Variants in SYN3 observed in about 807,000 individuals in gnomAD.
SYN3 encodes synapsin III, also known as synapsin-3.
A neutral mutation model predicts 65.8 loss-of-function variants in SYN3; 35 were observed. That is an observed-to-expected ratio of 0.53 (90% CI 0.41 to 0.70). The LOEUF (loss-of-function observed/expected upper bound fraction) is 0.70, where lower values mean the gene tolerates loss of function less well. Ranked by LOEUF, SYN3 falls within the 30% of genes least tolerant of loss-of-function variation. The pLI is 0.00. For synonymous variants in SYN3, 270 were observed against 292.9 expected (o/e 0.92, Z 0.80); for missense variants, 680 against 749.0 (o/e 0.91, Z 1.08).
intron 1 of SYN3, chr22:33,015,368 C>A: frequency 4.0e-6 from 2 of 503,836 alleles, no homozygotes; most frequent in Non-Finnish European, 7.0e-6. Context: ...CTGTACAGGG[C>A]GAATTTGTAA....
At chr22:32,576,503 G>A (rs1330188822) in intron 7 of SYN3, among the ~76,000 whole-genome samples, 4 of 152,072 alleles carry the variant, frequency 2.6e-5, no homozygotes, top group Non-Finnish European at 5.9e-5. Flanking sequence ...GGTTTATGAT[G>A]GTGACTATTT....
At chr22:32,751,914 TA>T (rs1204515138) in intron 6 of SYN3, among the ~76,000 whole-genome samples, 13 of 152,194 alleles carry the variant, frequency 8.5e-5, no homozygotes, top group South Asian at 2.1e-4. Context: ...CTAAGTGCTT[TA>T]TGCATGTTCT....
At chr22:32,829,195 G>GGCCA (rs1323884751) in intron 6 of SYN3, among the ~76,000 whole-genome samples, 8 of 152,164 alleles carry the variant, frequency 5.3e-5, no homozygotes, top group Admixed American at 3.9e-4. Context: ...TTTAGTCCCA[G>GGCCA]GCCAGAGACC....
chr22:32,923,788 C>T (rs1186906467), intron 4 of SYN3, among the ~76,000 whole-genome samples: 1 of 152,168 alleles, frequency 6.6e-6, no homozygotes, highest in Non-Finnish European at 1.5e-5. Flanking sequence ...TATTTTGTCA[C>T]CCAGATACAA....
intron 6 of SYN3, among the ~76,000 whole-genome samples, chr22:32,711,901 C>T (rs1323557748): frequency 1.3e-5 from 2 of 152,168 alleles, no homozygotes; most frequent in African/African-American, 2.4e-5. Flanking sequence ...GGGCAAGACT[C>T]GCTGGATGGT....
chr22:32,967,436 G>A (rs1490527037), intron 3 of SYN3, among the ~76,000 whole-genome samples: 3 of 152,200 alleles, frequency 2.0e-5, no homozygotes, highest in Admixed American at 1.3e-4. Context: ...ACTAGAAAAT[G>A]CGCCCAGACT....
intron 1 of SYN3, chr22:33,015,290 A>T (rs2053444941): frequency 6.5e-6 from 4 of 619,118 alleles, no homozygotes; most frequent in Non-Finnish European, 1.0e-5. Flanking sequence ...ACTATTTTAA[A>T]CGGCGTTTGA....
chr22:32,960,310 A>AT (rs2051607404), intron 3 of SYN3, among the ~76,000 whole-genome samples: 1 of 152,160 alleles, frequency 6.6e-6, no homozygotes, highest in South Asian at 2.1e-4. Context: ...CACCCCAGGG[A>AT]TAGGCACCAG....
intron 6 of SYN3, among the ~76,000 whole-genome samples, chr22:32,672,730 G>A (rs913926809): frequency 3.3e-5 from 5 of 152,232 alleles, no homozygotes; most frequent in African/African-American, 1.2e-4. Context: ...TGCAGCCTGT[G>A]AGCTGGGGAG....
In SYN3 at chr22:32,790,449, G is replaced by A. The variant is rs185437389; in HGVS notation, c.711+74466C>T. ...TTATTTATTTATTTATTATTGAGAC[G>A]GAGTCTCGCTTTGTTGCCCAGGATG... On this transcript the variant is annotated intron_variant, in intron 6 of 13. Coordinates refer to ENST00000358763, the MANE Select transcript of SYN3 (RefSeq NM_003490.4). Among the ~76,000 whole-genome samples the A allele has an allele frequency of 6.8e-4, 55 of 80,920 alleles. No homozygotes were observed. The East Asian group carries it at 0.014, about 20-fold the overall frequency. 53.1% of individuals were successfully genotyped at this position (80,920 alleles called of 152,430 possible).
rs776401016 is a variant in SYN3 at position 32,620,283 on chromosome 22, G to A, written c.712-23547C>T. 5.3e-5 allele frequency among the ~76,000 whole-genome samples: 8 copies of A among 152,160 alleles called. 1 individual carries two copies. The highest frequency in any genetic ancestry group is 1.0e-4 in the Non-Finnish European group (7 of 68,038). On this transcript the variant is annotated intron_variant, in intron 6 of 13. Transcript: ENST00000358763. ...GTGTCAAAAGTGAATGCCTTCAGGG[G>A]CTTTGAGTGAAGAGAGCCAGTGTAC...
intron 1 of SYN3, among the ~76,000 whole-genome samples, chr22:33,045,745 A>G (rs1347811080): frequency 6.6e-6 from 1 of 152,024 alleles, no homozygotes; most frequent in East Asian, 1.9e-4. Flanking sequence ...TACTTTCAAA[A>G]AAGAAATTCT....
At chr22:32,797,530 A>AT (rs2046458536) in intron 6 of SYN3, among the ~76,000 whole-genome samples, 1 of 152,094 alleles carries the variant, frequency 6.6e-6, no homozygotes, top group African/African-American at 2.4e-5. Context: ...AAAAATGGTG[A>AT]TAAAAAAGAC....
At chr22:32,780,282 G>T (rs900293151) in intron 6 of SYN3, among the ~76,000 whole-genome samples, 1 of 152,072 alleles carries the variant, frequency 6.6e-6, no homozygotes, top group Non-Finnish European at 1.5e-5. Context: ...GCCCTGGGGG[G>T]TGCCGGGAGG....
chr22:32,966,827 G>A (rs1601806546), intron 3 of SYN3, among the ~76,000 whole-genome samples: 1 of 152,104 alleles, frequency 6.6e-6, no homozygotes. Flanking sequence ...GAGGTGAGAG[G>A]ATGGCTTGAG....
intron 6 of SYN3, among the ~76,000 whole-genome samples, chr22:32,710,867 G>T (rs1469365987): frequency 6.6e-6 from 1 of 151,962 alleles, no homozygotes; most frequent in Non-Finnish European, 1.5e-5. Flanking sequence ...CTCCATTTCA[G>T]GTATTTCTTT....
rs542187064 is a variant in SYN3, at chr22:33,035,335, C to G, written c.-163+22957G>C. On this transcript the variant is annotated intron_variant, in intron 1 of 13. Transcript: ENST00000358763. ...GAAAAATTAAAAATCTCGGGACCCC[C>G]CCCCCCCCCGCCACCAAACTTCTTA... Among the ~76,000 whole-genome samples the G allele has an allele frequency of 6.6e-5, 5 of 75,766 alleles. 1 individual carries two copies. The highest frequency in any genetic ancestry group is 2.2e-4 in the African/African-American group (5 of 22,502). 49.7% of individuals were successfully genotyped at this position (75,766 alleles called of 152,430 possible). A position where few individuals can be genotyped will look rare whatever the true frequency, so the allele number is the denominator to read the frequency against.
At chr22:32,685,079 G>A (rs778948837) in intron 6 of SYN3, among the ~76,000 whole-genome samples, 2 of 152,064 alleles carry the variant, frequency 1.3e-5, no homozygotes, top group African/African-American at 2.4e-5. Flanking sequence ...CTACAGCAGC[G>A]GAGCCAGGTG....
rs149356548 is a variant in SYN3 at position 32,720,705 on chromosome 22, G to A, written c.712-123969C>T. On this transcript the variant is annotated intron_variant, in intron 6 of 13. Transcript: ENST00000358763. Reference sequence around the variant, plus strand: ...ACCCGGCCTTGTGGCCTCAAAGCCCGTGGCCTTCCCACCCCACAGGTGGCA... The same window carrying A: ...ACCCGGCCTTGTGGCCTCAAAGCCCATGGCCTTCCCACCCCACAGGTGGCA... Among the ~76,000 whole-genome samples the A allele has an allele frequency of 3.9e-3, 593 of 152,308 alleles. 2 individuals carry two copies. The highest frequency in any genetic ancestry group is 0.013 in the African/African-American group (553 of 41,554).
Sources: gnomAD v4.1 joint callset for allele counts (sites outside exome capture counted in the v4.1 genomes callset) on GRCh38, gnomAD v4.1.1 for gene constraint, MANE v1.5 for transcripts, NCBI Gene and HGNC (gene_info 2026-07-23, HGNC 2026-07-21) for gene names.